NUBPL: variants seen among roughly 807,000 people sequenced by gnomAD.
The protein encoded by NUBPL is iron-sulfur cluster transfer protein NUBPL.
A neutral mutation model predicts 45.7 loss-of-function variants in NUBPL; 31 were observed. The ratio of observed to expected loss-of-function variants is 0.68; its 90% CI spans 0.51 to 0.92. NUBPL has a LOEUF of 0.92. Ranked by LOEUF, NUBPL falls within the 40% of genes least tolerant of loss-of-function variation. The probability of loss-of-function intolerance (pLI) is 0.00; values close to 1 mark genes in which losing one functional copy is unlikely to be tolerated. For synonymous variants in NUBPL, 144 were observed against 140.9 expected (o/e 1.02, Z -0.15); for missense variants, 401 against 398.7 (o/e 1.01, Z -0.05).
Position 31,774,159 on chromosome 14 carries a change from G to GAGTTCT in NUBPL, c.514-13617_514-13616insCTAGTT, listed in dbSNP as rs567092285. 2.1e-3 allele frequency among the ~76,000 whole-genome samples: 318 copies of GAGTTCT among 152,346 alleles called. 1 individual carries two copies. The highest frequency in any genetic ancestry group is 7.3e-3 in the African/African-American group (304 of 41,586). On this transcript the variant is annotated intron_variant, in intron 6 of 10. Coordinates refer to ENST00000281081, the MANE Select transcript of NUBPL (RefSeq NM_025152.3). ...TTTTCTTCCCTGATTCTGTGTGGCTGAGTTTACACCACTGCTGATGTTATT... is the reference window on the plus strand; with the variant it reads ...TTTTCTTCCCTGATTCTGTGTGGCTGAGTTCTAGTTTACACCACTGCTGATGTTATT...
chr14:31,835,053 A>G (rs1313460350), intron 8 of NUBPL, among the ~76,000 whole-genome samples: 1 of 152,144 alleles, frequency 6.6e-6, no homozygotes, highest in East Asian at 1.9e-4. Context: ...GTGGATTGAA[A>G]ATGGGGAGGA....
At chr14:31,834,256 C>T (rs2040239932) in intron 8 of NUBPL, among the ~76,000 whole-genome samples, 1 of 141,848 alleles carries the variant, frequency 7.0e-6, no homozygotes, top group South Asian at 2.3e-4. Context: ...TCTTGGCTCA[C>T]TGCAACCTCC....
chr14:31,785,469 C>T (rs1308027920), intron 6 of NUBPL, among the ~76,000 whole-genome samples: 1 of 152,120 alleles, frequency 6.6e-6, no homozygotes, highest in East Asian at 1.9e-4. Flanking sequence ...GTTGCACACT[C>T]CTTGTGAAAA....
intron 7 of NUBPL, among the ~76,000 whole-genome samples, chr14:31,805,617 GA>G: frequency 6.6e-6 from 1 of 152,214 alleles, no homozygotes; most frequent in African/African-American, 2.4e-5. Flanking sequence ...CGGGGACATG[GA>G]TGGAGCTGGA....
chr14:31,848,769 G>A (rs1356536405), intron 9 of NUBPL, among the ~76,000 whole-genome samples: 1 of 152,132 alleles, frequency 6.6e-6, no homozygotes, highest in Non-Finnish European at 1.5e-5. Context: ...GTGTCTGTAG[G>A]TAGGATTGTG....
chr14:31,610,783 A>G (rs904187105), intron 4 of NUBPL, among the ~76,000 whole-genome samples: 1 of 152,166 alleles, frequency 6.6e-6, no homozygotes, highest in East Asian at 1.9e-4. Flanking sequence ...GCACAAGCAA[A>G]TCAATTAATG....
intron 8 of NUBPL, among the ~76,000 whole-genome samples, chr14:31,839,809 G>A (rs185972048): frequency 1.3e-5 from 2 of 152,228 alleles, no homozygotes; most frequent in African/African-American, 2.4e-5. Context: ...CTCAAGAGAA[G>A]ACATACAAAT....
intron 6 of NUBPL, among the ~76,000 whole-genome samples, chr14:31,739,218 T>TTC (rs1566533739): frequency 0.018 from 2,441 of 139,466 alleles, 51 homozygotes; most frequent in Non-Finnish European, 0.025. Flanking sequence ...ATATATTATA[T>TTC]TATATATATA....
chr14:31,657,065 A>T (rs1193888679), intron 4 of NUBPL, among the ~76,000 whole-genome samples: 2 of 152,234 alleles, frequency 1.3e-5, no homozygotes, highest in Non-Finnish European at 2.9e-5. Context: ...CAGCTATTAT[A>T]TAAATTGATA....
rs1365622201 is a variant in NUBPL, at chr14:31,859,550, TG to T, written c.*373del. On this transcript the variant is annotated 3_prime_UTR_variant, in exon 11 of 11. Transcript: ENST00000281081. ...TTAAATGATATACTAAATTTGTGTA[TG>T]GGCATAAGTATTACGCCTTCCCACC... The T allele has an allele frequency of 2.9e-6, 1 of 339,318 alleles. No individual in the cohort carries two copies. The highest frequency in any genetic ancestry group is 5.7e-6 in the Non-Finnish European group (1 of 175,258). The allele number at this position is 339,318 out of a possible 1,614,324, so 21.0% of individuals were successfully genotyped here.
At chr14:31,676,147 T>C (rs1044619757) in intron 6 of NUBPL, among the ~76,000 whole-genome samples, 2 of 152,190 alleles carry the variant, frequency 1.3e-5, no homozygotes, top group Non-Finnish European at 1.5e-5. Flanking sequence ...CTCAGCCTTC[T>C]GAGTAGCTGG....
intron 3 of NUBPL, among the ~76,000 whole-genome samples, chr14:31,592,885 G>A (rs2034179186): frequency 1.3e-5 from 2 of 152,096 alleles, no homozygotes; most frequent in Admixed American, 1.3e-4. Flanking sequence ...TAGGTTCTGG[G>A]TATATAGTAG....
At chr14:31,757,622 A>G (rs1223846111) in intron 6 of NUBPL, among the ~76,000 whole-genome samples, 1 of 152,140 alleles carries the variant, frequency 6.6e-6, no homozygotes, top group East Asian at 1.9e-4. Flanking sequence ...TCTGAAGGGT[A>G]AATGTGGAAT....
At chr14:31,810,374 G>C (rs1296094190) in intron 7 of NUBPL, among the ~76,000 whole-genome samples, 2 of 152,042 alleles carry the variant, frequency 1.3e-5, no homozygotes, top group African/African-American at 4.8e-5. Flanking sequence ...TTATGTAATG[G>C]CCGTCTTTGT....
At chr14:31,683,291 A>G (rs565967771) in intron 6 of NUBPL, among the ~76,000 whole-genome samples, 1 of 151,816 alleles carries the variant, frequency 6.6e-6, no homozygotes, top group South Asian at 2.1e-4. Flanking sequence ...TCCATTATAA[A>G]TCTCACATAC....
At chr14:31,820,155 A>AAAG (rs2039992455) in intron 7 of NUBPL, among the ~76,000 whole-genome samples, 1 of 61,840 alleles carries the variant, frequency 1.6e-5, no homozygotes, top group African/African-American at 3.9e-5. Context: ...AAAAAAAAAG[A>AAAG]AAAAGAAAAA....
chr14:31,787,167 C>T (rs911952790), intron 6 of NUBPL, among the ~76,000 whole-genome samples: 20 of 152,210 alleles, frequency 1.3e-4, no homozygotes, highest in Middle Eastern at 3.4e-3. Flanking sequence ...GAAGAAGTAT[C>T]TGAGGAGTAA....
chr14:31,676,968 T>C (rs536171907), intron 6 of NUBPL, among the ~76,000 whole-genome samples: 1 of 151,962 alleles, frequency 6.6e-6, no homozygotes, highest in African/African-American at 2.4e-5. Flanking sequence ...CTTTAAGAAA[T>C]CTTTGCCTGT....
At chr14:31,644,532 A>G (rs1044033775) in intron 4 of NUBPL, among the ~76,000 whole-genome samples, 2 of 152,030 alleles carry the variant, frequency 1.3e-5, no homozygotes, top group Admixed American at 6.6e-5. Flanking sequence ...TATGATTTCT[A>G]CTTTTTTGTA....
Sources: allele counts gnomAD v4.1 joint callset (sites outside exome capture counted in the v4.1 genomes callset), GRCh38; gene constraint gnomAD v4.1.1; transcripts MANE v1.5; gene names NCBI Gene and HGNC (gene_info 2026-07-23, HGNC 2026-07-21).